The following ETV1 variants were observed in gnomAD, a reference collection of about 807,000 sequenced individuals.
ETV1 encodes the protein ETS translocation variant 1.
Under a neutral mutation model 62.3 loss-of-function variants are expected in ETV1, and 27 were observed. The ratio of observed to expected loss-of-function variants is 0.43; its 90% CI spans 0.32 to 0.60. The LOEUF is 0.60. ETV1 is among the 20% of genes least tolerant of loss of function. The pLI is 0.06. For synonymous variants in ETV1, 222 were observed against 199.6 expected, an observed-to-expected ratio of 1.11 and a Z score of -0.94; for missense variants, 605 against 605.8, an observed-to-expected ratio of 1.00 and a Z score of 0.01.
Position 13,950,713 on chromosome 7 carries a change from G to C in ETV1, c.236-11467C>G, listed in dbSNP as rs146531123. On this transcript the variant is annotated intron_variant, in intron 6 of 13. Transcript: ENST00000430479. ...TTTCATCTTTTCAAAAAGTAGTGGG[G>C]ATACCAAGATGTGGCCAACTCTCAC... Among the ~76,000 whole-genome samples the C allele has an allele frequency of 9.5e-4, 145 of 152,152 alleles. 3 individuals are homozygous for C. Among genetic ancestry groups the C allele is most frequent in the African/African-American group, 3.2e-3 (131 of 41,496 alleles).
intron 6 of ETV1, among the ~76,000 whole-genome samples, chr7:13,973,577 G>T (rs1781111900): frequency 6.6e-6 from 1 of 151,894 alleles, no homozygotes; most frequent in South Asian, 2.1e-4. Flanking sequence ...AATAAAATTA[G>T]CTGGTTATTA....
intron 6 of ETV1, among the ~76,000 whole-genome samples, chr7:13,970,852 C>G (rs1780826567): frequency 6.6e-6 from 1 of 151,952 alleles, no homozygotes; most frequent in South Asian, 2.1e-4. Flanking sequence ...AGGGTCTACA[C>G]AGACCTGACT....
chr7:13,944,571 G>C lies in ETV1; in HGVS notation c.236-5325C>G, dbSNP rs1442500670. ...GCTGGGGCGGGGGTGGTGAGACGGG[G>C]ACACAAACATTCAGTCTACTGCAGG... On this transcript the variant is annotated intron_variant, in intron 6 of 13. Coordinates refer to ENST00000430479, the MANE Select transcript of ETV1 (RefSeq NM_004956.5). Among the ~76,000 whole-genome samples the C allele has an allele frequency of 2.6e-5, 4 of 152,096 alleles. No homozygotes were observed. The East Asian group carries it at 7.7e-4, about 29-fold the overall frequency.
chr7:13,901,225 G>A (rs1042141020), intron 12 of ETV1, among the ~76,000 whole-genome samples: 3 of 152,086 alleles, frequency 2.0e-5, no homozygotes, highest in African/African-American at 7.2e-5. Context: ...GGCTGGTCTC[G>A]AACTCCTGAC....
chr7:13,981,718 C>T (rs1782011915), intron 5 of ETV1, among the ~76,000 whole-genome samples: 1 of 151,882 alleles, frequency 6.6e-6, no homozygotes, highest in Non-Finnish European at 1.5e-5. Flanking sequence ...TTCTATTATC[C>T]AACTATTTTT....
intron 6 of ETV1, among the ~76,000 whole-genome samples, chr7:13,947,942 A>T (rs1205972368): frequency 2.6e-5 from 4 of 152,170 alleles, no homozygotes; most frequent in Non-Finnish European, 5.9e-5. Flanking sequence ...ATTAGGCAGT[A>T]TTCTTTAAGT....
chr7:13,947,523 T>C (rs1365056370), intron 6 of ETV1, among the ~76,000 whole-genome samples: 2 of 152,160 alleles, frequency 1.3e-5, no homozygotes, highest in African/African-American at 4.8e-5. Flanking sequence ...ACAGATCTTT[T>C]AAAAAGGCAC....
Position 13,895,751 on chromosome 7 carries a change from T to C in ETV1, c.*115A>G. Reference sequence around the variant, plus strand: ...AACAGGAAAAGCCCCTTTTTGTGTATTATTATTTAAAAATAAAATACAAAC... The same window carrying C: ...AACAGGAAAAGCCCCTTTTTGTGTACTATTATTTAAAAATAAAATACAAAC... On this transcript the variant is annotated 3_prime_UTR_variant, in exon 14 of 14. Transcript: ENST00000430479. The C allele has an allele frequency of 1.3e-6, 1 of 755,264 alleles. No individual in the cohort carries two copies. 46.8% of individuals were successfully genotyped at this position (755,264 alleles called of 1,614,324 possible).
intron 6 of ETV1, among the ~76,000 whole-genome samples, chr7:13,942,578 A>G (rs1032741248): frequency 6.6e-6 from 1 of 152,124 alleles, no homozygotes; most frequent in Non-Finnish European, 1.5e-5. Flanking sequence ...ATCCTCAAGT[A>G]GCCCCCAGTG....
intron 3 of ETV1, 95 bp from the exon 4 acceptor site, chr7:13,988,268 A>T: frequency 1.3e-6 from 1 of 741,494 alleles, no homozygotes; most frequent in Non-Finnish European, 2.4e-6. Context: ...AGACATGCAT[A>T]CATAAGTCTA....
chr7:13,988,669 T>C (rs778657605), intron 3 of ETV1: 2 of 1,597,542 alleles, frequency 1.3e-6, no homozygotes, highest in South Asian at 2.3e-5. Flanking sequence ...AGTGTCAGCA[T>C]TTGTCTCAAC....
Position 13,895,380 on chromosome 7 carries a change from A to G in ETV1, c.*486T>C, listed in dbSNP as rs572939639. 2.5e-5 allele frequency: 6 copies of G among 235,506 alleles called. No homozygotes were observed. Among genetic ancestry groups the G allele is most frequent in the African/African-American group, 1.3e-4 (6 of 45,512 alleles). The allele number at this position is 235,506 out of a possible 1,614,324, so 14.6% of individuals were successfully genotyped here. On this transcript the variant is annotated 3_prime_UTR_variant, in exon 14 of 14. Coordinates refer to ENST00000430479, the MANE Select transcript of ETV1 (RefSeq NM_004956.5). ...TAACAATTAAACTGCCATTTACAGTAGATTGGGGTTTTTTTGTACACCTGC... is the reference window on the plus strand; with the variant it reads ...TAACAATTAAACTGCCATTTACAGTGGATTGGGGTTTTTTTGTACACCTGC...
chr7:13,938,694 T>C (rs186075401), intron 7 of ETV1, among the ~76,000 whole-genome samples: 1 of 152,350 alleles, frequency 6.6e-6, no homozygotes, highest in African/African-American at 2.4e-5. Context: ...ATTGCAATTG[T>C]CCATGAACTC....
intron 6 of ETV1, among the ~76,000 whole-genome samples, chr7:13,961,579 T>C (rs531150836): frequency 7.8e-4 from 119 of 152,268 alleles, no homozygotes; most frequent in Non-Finnish European, 1.6e-3. Flanking sequence ...TGCATCTTAA[T>C]TGAAAAATCA....
At chr7:13,981,501 TTACATACATACA>T (rs576698388) in intron 5 of ETV1, among the ~76,000 whole-genome samples, 358 of 138,664 alleles carry the variant, frequency 2.6e-3, no homozygotes, top group Non-Finnish European at 4.3e-3. Context: ...GTTTACAAAG[TTACATACATACA>T]TACATACATA....
At chr7:13,986,955 A>G (rs1184518412) in intron 4 of ETV1, 7 of 357,148 alleles carry the variant, frequency 2.0e-5, no homozygotes, top group Non-Finnish European at 3.5e-5. Context: ...AGCTTAATAA[A>G]TAAGCTCAGG....
In ETV1 at chr7:13,961,809, A is replaced by G. The variant is rs371247263; in HGVS notation, c.235+15618T>C. 6.6e-5 allele frequency among the ~76,000 whole-genome samples: 10 copies of G among 152,210 alleles called. No individual in the cohort carries two copies. In the East Asian group the frequency reaches 1.9e-3, roughly 29 times the overall value. On this transcript the variant is annotated intron_variant, in intron 6 of 13. Transcript: ENST00000430479. ...CAACACTTTTTGTTTTTGAATTCCTATGGTCAAAGTAGATTTGAACAAACA... is the reference window on the plus strand; with the variant it reads ...CAACACTTTTTGTTTTTGAATTCCTGTGGTCAAAGTAGATTTGAACAAACA...
chr7:13,938,977 T>A (rs1345503747), intron 7 of ETV1, 140 bp downstream of exon 7: 1 of 762,440 alleles, frequency 1.3e-6, no homozygotes, highest in African/African-American at 1.8e-5. Flanking sequence ...TCTTTAGAGT[T>A]CTGCTAAATG....
At chr7:13,927,848 A>C (rs1785611364) in intron 9 of ETV1, among the ~76,000 whole-genome samples, 1 of 152,196 alleles carries the variant, frequency 6.6e-6, no homozygotes, top group African/African-American at 2.4e-5. Flanking sequence ...TTAACTATTC[A>C]AGCAAAACAC....
Sources: gnomAD v4.1 joint callset for allele counts (sites outside exome capture counted in the v4.1 genomes callset) on GRCh38, gnomAD v4.1.1 for gene constraint, MANE v1.5 for transcripts, NCBI Gene and HGNC (gene_info 2026-07-23, HGNC 2026-07-21) for gene names.